The following RBM34 variants were observed in gnomAD, a reference collection of about 807,000 sequenced individuals.
RBM34 encodes the protein RNA-binding protein 34.
Under a neutral mutation model 44.6 loss-of-function variants are expected in RBM34, and 39 were observed. The observed-to-expected ratio is 0.87, with a 90% confidence interval of 0.68 to 1.14. The LOEUF is 1.14. RBM34 is among the 50% of genes most tolerant of loss of function. The pLI is 0.00. For missense variants in RBM34, 572 were observed against 517.9 expected, an observed-to-expected ratio of 1.10 and a Z score of -1.01; for synonymous variants, 194 against 184.0, an observed-to-expected ratio of 1.05 and a Z score of -0.44.
chr1:235,156,588 C>T (rs745741948), intron 3 of RBM34: 1 of 441,278 alleles, frequency 2.3e-6, no homozygotes, highest in Admixed American at 2.9e-5. Flanking sequence ...ATTTAAAGGA[C>T]TCTTACCAAA....
rs994132496 is a variant in RBM34, at chr1:235,137,796, G to A, written c.849+81C>T. ...CGCTTCCCTCACATTGCTGATTCCA[G>A]TCCCCTTCCAGGAAAAGCCTGGAAG... On this transcript the variant is annotated intron_variant, in intron 8 of 10. Transcript: ENST00000408888. 9.0e-6 allele frequency: 10 copies of A among 1,113,830 alleles called. 1 individual carries two copies. The Admixed American group carries it at 9.0e-5, about 10-fold the overall frequency. 69.0% of individuals were successfully genotyped at this position (1,113,830 alleles called of 1,614,324 possible). A position where few individuals can be genotyped will look rare whatever the true frequency, so the allele number is the denominator to read the frequency against.
At chr1:235,149,674 A>G (rs1032850815) in intron 5 of RBM34, among the ~76,000 whole-genome samples, 5 of 152,162 alleles carry the variant, frequency 3.3e-5, no homozygotes, top group African/African-American at 1.2e-4. Context: ...ACTTTATGGA[A>G]GAGGCAGAAA....
chr1:235,152,338 C>G (rs373728624), intron 5 of RBM34: 2 of 303,872 alleles, frequency 6.6e-6, no homozygotes, highest in South Asian at 1.2e-4. Flanking sequence ...GCAATCATAC[C>G]CACCTCCCAT....
chr1:235,148,840 C>T (rs1016553202), intron 5 of RBM34, among the ~76,000 whole-genome samples: 4 of 151,834 alleles, frequency 2.6e-5, no homozygotes, highest in African/African-American at 4.8e-5. Context: ...CCTCGTGATC[C>T]GCCCACCTTG....
At chr1:235,148,595 A>AT (rs375944652) in intron 5 of RBM34, 148 bp from the exon 6 acceptor site, 52,502 of 352,314 alleles carry the variant, frequency 0.15, 2,143 homozygotes, top group African/African-American at 0.22. Flanking sequence ...AACTGTCCTA[A>AT]TTTTTTTTTT....
chr1:235,160,108 G>C, intron 3 of RBM34: 1 of 314,346 alleles, frequency 3.2e-6, no homozygotes, highest in Non-Finnish European at 6.3e-6. Flanking sequence ...ACAAAAATTA[G>C]CTGGGCATGG....
chr1:235,161,217 C>A lies in RBM34; in HGVS notation c.10G>T (p.Glu4Ter). The part of the protein sequence containing the change: MAL[E>*]GMSKRKRKRS... Reference sequence around the variant, plus strand: ...TTTCTCTTCCGTTTGCTCATCCCTTCCAAGGCCATTCTTACTCCAAAGACT... The same window carrying A: ...TTTCTCTTCCGTTTGCTCATCCCTTACAAGGCCATTCTTACTCCAAAGACT... Residue 4 changes from glutamate (E) to a stop codon, truncating the protein, a stop_gained, in exon 1 of 11, where the codon GAA becomes TAA. Transcript: ENST00000408888. LOFTEE classifies it high-confidence loss of function. 6.2e-7 allele frequency: 1 copy of A among 1,612,946 alleles called. No individual in the cohort carries two copies. The highest frequency in any genetic ancestry group is 1.1e-5 in the South Asian group (1 of 90,912).
intron 3 of RBM34, 135 bp from the exon 4 acceptor site, chr1:235,155,247 C>A: frequency 2.8e-6 from 2 of 713,790 alleles, no homozygotes; most frequent in Non-Finnish European, 4.7e-6. Flanking sequence ...TTACTACTCA[C>A]AAATATATCA....
In RBM34 at chr1:235,160,480, C is replaced by G. The variant is rs745587798; in HGVS notation, c.365+31G>C. On this transcript the variant is annotated intron_variant, in intron 3 of 10. Coordinates refer to ENST00000408888, the MANE Select transcript of RBM34 (RefSeq NM_015014.4). ...GGAATGTTAATTTACCATCTAATTT[C>G]TTTAACATCAAATAAGAGAATTTTA... 1.9e-6 allele frequency: 3 copies of G among 1,589,842 alleles called. No individual in the cohort carries two copies. In the East Asian group the frequency reaches 6.7e-5, roughly 36 times the overall value.
At position 235,131,880 on chromosome 1, in the gene RBM34, G is replaced by A. The variant is rs773603444; in HGVS notation, c.1126C>T (p.Arg376Ter). ...EKFKQQNSNP[R>*]LKNVSKPKQG... ...TTAGGTTTACTGACATTCTTCAATC[G>A]TGGATTTGAATTTTGTTGTTTAAAT... is the stretch of plus-strand genomic sequence containing the variant. Residue 376 changes from arginine to a stop codon, truncating the protein, a stop_gained, in exon 11 of 11, where the codon CGA becomes TGA. Transcript: ENST00000408888. LOFTEE classifies it high-confidence loss of function. 5.0e-6 allele frequency: 8 copies of A among 1,614,062 alleles called. No individual in the cohort carries two copies. In the Admixed American group the frequency reaches 6.7e-5, roughly 13 times the overall value.
chr1:235,159,622 C>A (rs1662609195), intron 3 of RBM34, among the ~76,000 whole-genome samples: 1 of 151,478 alleles, frequency 6.6e-6, no homozygotes, highest in African/African-American at 2.4e-5. Flanking sequence ...ATAATCCCTG[C>A]ACTTTAGGAG....
chr1:235,142,412 G>A (rs1026056883), intron 6 of RBM34, among the ~76,000 whole-genome samples: 2 of 152,006 alleles, frequency 1.3e-5, no homozygotes, highest in African/African-American at 2.4e-5. Flanking sequence ...CAGAATAGCT[G>A]GGATTACAGG....
At chr1:235,149,910 A>G (rs996850797) in intron 5 of RBM34, among the ~76,000 whole-genome samples, 5 of 152,230 alleles carry the variant, frequency 3.3e-5, no homozygotes, top group African/African-American at 9.6e-5. Flanking sequence ...TTTGCAGTTT[A>G]TCTTGCTAAA....
intron 5 of RBM34, among the ~76,000 whole-genome samples, chr1:235,149,315 G>A (rs576403603): frequency 3.3e-5 from 5 of 151,272 alleles, no homozygotes; most frequent in African/African-American, 1.2e-4. Context: ...CGTGAACCCG[G>A]GAGGCGGAGC....
intron 6 of RBM34, among the ~76,000 whole-genome samples, 186 bp from the exon 7 acceptor site, chr1:235,138,360 A>C (rs1042906630): frequency 6.6e-6 from 1 of 152,240 alleles, no homozygotes; most frequent in African/African-American, 2.4e-5. Context: ...CACAACTTAT[A>C]AAGATATTAG....
chr1:235,137,837 A>G (rs1313636222), intron 8 of RBM34, 40 bp downstream of exon 8: 2 of 1,462,882 alleles, frequency 1.4e-6, no homozygotes, highest in Non-Finnish European at 1.9e-6. Flanking sequence ...ATTTCTCTCT[A>G]CAAAGCTCTC....
At chr1:235,138,244 A>T in intron 6 of RBM34, 70 bp from the exon 7 acceptor site, 1 of 1,311,210 alleles carries the variant, frequency 7.6e-7, no homozygotes, top group Non-Finnish European at 1.1e-6. Flanking sequence ...CAAAGTCACT[A>T]GAAAAAAATC....
Position 235,131,770 on chromosome 1 carries a change from C to T in RBM34, c.1236G>A (p.Thr412=), listed in dbSNP as rs779807200. The T allele has an allele frequency of 5.0e-6, 8 of 1,610,830 alleles. No homozygotes were observed. The highest frequency in any genetic ancestry group is 3.3e-5 in the South Asian group (3 of 90,298). ...CACTTTTCTTCTGTCCTTTCTTCTT[C>T]GTTTTAAGGAGAACAGCTTTTTCTC... The part of the protein sequence containing the change: ...FIGEKAVLLK[T]KKKGQKKSGR... Residue 412 remains threonine (T), a synonymous_variant, in exon 11 of 11, where the codon ACG becomes ACA. Transcript: ENST00000408888.
chr1:235,154,554 C>A (rs1662313869), intron 4 of RBM34, among the ~76,000 whole-genome samples: 8 of 152,096 alleles, frequency 5.3e-5, no homozygotes, highest in Admixed American at 5.2e-4. Flanking sequence ...ACAGTGAGAA[C>A]CTGTCCTGAA....
Sources: gnomAD v4.1 joint callset for allele counts (sites outside exome capture counted in the v4.1 genomes callset) on GRCh38, gnomAD v4.1.1 for gene constraint, MANE v1.5 for transcripts, NCBI Gene and HGNC (gene_info 2026-07-23, HGNC 2026-07-21) for gene names.